Variants in MRM3 observed in about 807,000 individuals in gnomAD.
MRM3 encodes rRNA methyltransferase 3, mitochondrial.
A neutral mutation model predicts 29.4 loss-of-function variants in MRM3; 26 were observed. The observed-to-expected ratio is 0.89, with a 90% CI of 0.65 to 1.23. The LOEUF (loss-of-function observed/expected upper bound fraction) is 1.23. Ranked by LOEUF, MRM3 falls within the 50% of genes most tolerant of loss-of-function variation. The pLI is 0.00. For missense variants in MRM3, 578 were observed against 540.2 expected, an observed-to-expected ratio of 1.07 and a Z score of -0.69; for synonymous variants, 225 against 219.0, an observed-to-expected ratio of 1.03 and a Z score of -0.24.
chr17:783,959 C>T (rs2144515907), intron 2 of MRM3, among the ~76,000 whole-genome samples: 1 of 152,204 alleles, frequency 6.6e-6, no homozygotes, highest in African/African-American at 2.4e-5. Context: ...AAACCTCTGC[C>T]AATGTGGTGA....
chr17:790,871 A>C, intron 3 of MRM3, among the ~76,000 whole-genome samples: 1 of 5,792 alleles, frequency 1.7e-4, no homozygotes, highest in Middle Eastern at 0.071. Context: ...CTGTGCCACC[A>C]CACCCCCACC....
chr17:785,728 A>C lies in MRM3; in HGVS notation c.560-2237A>C, dbSNP rs540784794. Among the ~76,000 whole-genome samples, 4 of 152,364 alleles carry C rather than the reference A, an allele frequency of 2.6e-5. No individual in the cohort carries two copies. In the East Asian group the frequency reaches 7.7e-4, roughly 29 times the overall value. On this transcript the variant is annotated intron_variant, in intron 2 of 3. Coordinates refer to ENST00000304478, the MANE Select transcript of MRM3 (RefSeq NM_018146.4). ...ATTTGAAAAAGGGGTTGTTACTTTG[A>C]TGCATTCAAGTTTTGAAATTCATAT...
At chr17:784,445 G>A (rs1022336956) in intron 2 of MRM3, among the ~76,000 whole-genome samples, 2 of 151,792 alleles carry the variant, frequency 1.3e-5, no homozygotes, top group African/African-American at 2.4e-5. Flanking sequence ...CATTTTTACC[G>A]TGCTTGTCAC....
chr17:788,414 G>C (rs1303903207), intron 3 of MRM3, among the ~76,000 whole-genome samples: 1 of 150,292 alleles, frequency 6.7e-6, no homozygotes, highest in African/African-American at 2.5e-5. Context: ...CAGCCTGGGC[G>C]ACAGAGTGAG....
chr17:792,237 C>T lies in MRM3; in HGVS notation c.*168C>T, dbSNP rs951115373. On this transcript the variant is annotated 3_prime_UTR_variant, in exon 4 of 4. Transcript: ENST00000304478. ...AGAACTTCCTCAGAAAGAACAGGTC[C>T]GAATTCTTCCTGTCGCGTCACTGAT... 15 of 635,352 alleles carry T rather than the reference C, an allele frequency of 2.4e-5. No homozygotes were observed. The highest frequency in any genetic ancestry group is 4.5e-4 in the Middle Eastern group (1 of 2,232). 39.4% of individuals were successfully genotyped at this position (635,352 alleles called of 1,614,324 possible).
At position 782,383 on chromosome 17, in the gene MRM3, C is replaced by T. The variant is rs1365701406; in HGVS notation, c.5C>T (p.Ala2Val). M[A>V]ALVRPARFVV... Reference sequence around the variant, plus strand: ...GCAGCCCGGGTCTCAGGGAACATGGCGGCGCTGGTGAGACCCGCGAGGTTT... The same window carrying T: ...GCAGCCCGGGTCTCAGGGAACATGGTGGCGCTGGTGAGACCCGCGAGGTTT... Residue 2 changes from alanine to valine, a missense_variant, in exon 1 of 4, where the codon GCG becomes GTG. Physicochemically the swap from Ala to Val is moderately conservative, Grantham distance 64 (BLOSUM62 0). Transcript: ENST00000304478. The T allele has an allele frequency of 1.5e-5, 24 of 1,613,442 alleles. No homozygotes were observed. The highest frequency in any genetic ancestry group is 1.8e-5 in the Non-Finnish European group (21 of 1,179,834).
chr17:791,944 A>AT lies in MRM3; in HGVS notation c.1139dup (p.Val382ArgfsTer45), dbSNP rs757238105. The AT allele has an allele frequency of 3.8e-5, 62 of 1,613,902 alleles. No homozygotes were observed. Among genetic ancestry groups the AT allele is most frequent in the Non-Finnish European group, 4.7e-5 (56 of 1,180,032 alleles). Reference sequence around the variant, plus strand: ...GAGCACTGGTGGCAAGAGGCTGCTGATCCCCGTTGTGCCTGGTGTGGACAG... The same window carrying AT: ...GAGCACTGGTGGCAAGAGGCTGCTGATTCCCCGTTGTGCCTGGTGTGGACAG... On this transcript the variant is annotated frameshift_variant, in exon 4 of 4. Transcript: ENST00000304478. LOFTEE classifies it high-confidence loss of function.
chr17:792,221 T>G lies in MRM3; in HGVS notation c.*152T>G, dbSNP rs1170272833. The G allele has an allele frequency of 1.3e-6, 1 of 742,482 alleles. No homozygotes were observed. Among genetic ancestry groups the G allele is most frequent in the Admixed American group, 3.5e-5 (1 of 28,900 alleles). The allele number at this position is 742,482 out of a possible 1,614,324, so 46.0% of individuals were successfully genotyped here. A position where few individuals can be genotyped will look rare whatever the true frequency, so the allele number is the denominator to read the frequency against. ...AGTTACAGGAAAAATAAGAACTTCCTCAGAAAGAACAGGTCCGAATTCTTC... is the reference window on the plus strand; with the variant it reads ...AGTTACAGGAAAAATAAGAACTTCCGCAGAAAGAACAGGTCCGAATTCTTC... On this transcript the variant is annotated 3_prime_UTR_variant, in exon 4 of 4. Transcript: ENST00000304478.
Position 788,253 on chromosome 17 carries a change from C to A in MRM3, c.727+121C>A, listed in dbSNP as rs193250135. ...GACCATCCTGGGCAACATAGTGAGA[C>A]CTCATCTCTACAAAAAAAACTACAA... On this transcript the variant is annotated intron_variant, in intron 3 of 3. Transcript: ENST00000304478. The A allele has an allele frequency of 8.8e-5, 81 of 919,432 alleles. 1 individual carries two copies. The East Asian group carries it at 1.6e-3, about 19-fold the overall frequency. The allele number at this position is 919,432 out of a possible 1,614,324, so 57.0% of individuals were successfully genotyped here. A position where few individuals can be genotyped will look rare whatever the true frequency, so the allele number is the denominator to read the frequency against.
At chr17:782,773 G>A (rs1910210675) in intron 1 of MRM3, 81 bp downstream of exon 1, 4 of 1,421,462 alleles carry the variant, frequency 2.8e-6, no homozygotes, top group African/African-American at 2.9e-5. Flanking sequence ...TTCCGATGGA[G>A]GACTTCTTCC....
At chr17:791,449 G>A (rs1179137086) in intron 3 of MRM3, 85 bp from the exon 4 acceptor site, 6 of 1,405,928 alleles carry the variant, frequency 4.3e-6, no homozygotes, top group South Asian at 1.4e-5. Flanking sequence ...TTTATCTCCT[G>A]ATCCAAAATT....
chr17:786,982 A>C (rs546880979), intron 2 of MRM3, among the ~76,000 whole-genome samples: 262 of 152,102 alleles, frequency 1.7e-3, no homozygotes, highest in African/African-American at 5.9e-3. Flanking sequence ...GTGGCTCACA[A>C]CTGTAATCCC....
Position 792,083 on chromosome 17 carries a change from AC to A in MRM3, c.*15del, listed in dbSNP as rs1910856367. The A allele has an allele frequency of 6.4e-7, 1 of 1,567,664 alleles. No homozygotes were observed. Among genetic ancestry groups the A allele is most frequent in the African/African-American group, 1.3e-5 (1 of 74,114 alleles). On this transcript the variant is annotated 3_prime_UTR_variant, in exon 4 of 4. Transcript: ENST00000304478. ...AGTTACCACTGAGGACGCAGAAGTG[AC>A]TTCTGCTTGAGGACGTCTGCAGCTC...
At chr17:783,392 A>G (rs1416350032) in intron 2 of MRM3, 65 bp downstream of exon 2, 6 of 1,485,310 alleles carry the variant, frequency 4.0e-6, no homozygotes, top group Non-Finnish European at 4.5e-6. Context: ...GCTGGAGTGC[A>G]ATGGCGCGAT....
chr17:791,146 C>G (rs1478954781), intron 3 of MRM3, among the ~76,000 whole-genome samples: 1 of 152,160 alleles, frequency 6.6e-6, no homozygotes, highest in African/African-American at 2.4e-5. Flanking sequence ...CATCGCCCTG[C>G]TTTGTCCGTG....
chr17:782,426 G>T lies in MRM3; in HGVS notation c.48G>T (p.Leu16=), dbSNP rs1454366651. ...CGAGGTTTGTCGTGCGACCGTTGCT[G>T]CAGGTGGTCCAGGCTTGGGACCTTG... ...RPARFVVRPL[L]QVVQAWDLDA... is the part of the protein sequence containing the mutation. The change falls in exon 1 of 4, where the codon CTG becomes CTT. Residue 16 remains leucine, a synonymous_variant. Coordinates refer to ENST00000304478, the MANE Select transcript of MRM3 (RefSeq NM_018146.4). The T allele has an allele frequency of 6.2e-7, 1 of 1,614,012 alleles. No homozygotes were observed. The highest frequency in any genetic ancestry group is 8.5e-7 in the Non-Finnish European group (1 of 1,180,000).
In MRM3 at chr17:792,192, A is replaced by G; in HGVS notation, c.*123A>G. On this transcript the variant is annotated 3_prime_UTR_variant, in exon 4 of 4. Transcript: ENST00000304478. ...TTCAGGAGGAAGGTGTGATGCCGTC[A>G]TACAGTTACAGGAAAAATAAGAACT... 1 of 914,952 alleles carries G rather than the reference A, an allele frequency of 1.1e-6. No homozygotes were observed. Among genetic ancestry groups the G allele is most frequent in the Non-Finnish European group, 1.6e-6 (1 of 611,846 alleles). The allele number at this position is 914,952 out of a possible 1,614,324, so 56.7% of individuals were successfully genotyped here.
chr17:786,196 G>C (rs1354868083), intron 2 of MRM3, among the ~76,000 whole-genome samples: 4 of 152,234 alleles, frequency 2.6e-5, no homozygotes, highest in African/African-American at 4.8e-5. Context: ...CACCTCCTGG[G>C]TTCAAGCAAT....
chr17:783,291 G>A lies in MRM3; in HGVS notation c.523G>A (p.Asp175Asn), dbSNP rs1248301452. ...LIKVKFEDIK[D>N]WSDLVTPQGI... Reference sequence around the variant, plus strand: ...TAAGGTGAAATTTGAGGATATCAAGGATTGGTCCGACCTCGTAACGCCACA... The same window carrying A: ...TAAGGTGAAATTTGAGGATATCAAGAATTGGTCCGACCTCGTAACGCCACA... Residue 175 changes from aspartate (D) to asparagine (N), a missense_variant, in exon 2 of 4, where the codon GAT (aspartate) becomes AAT (asparagine). By Grantham distance (23) the Asp-to-Asn change is conservative. Transcript: ENST00000304478. The A allele has an allele frequency of 1.4e-5, 22 of 1,613,660 alleles. No homozygotes were observed. The highest frequency in any genetic ancestry group is 2.7e-5 in the African/African-American group (2 of 74,834).
Sources: allele counts gnomAD v4.1 joint callset (sites outside exome capture counted in the v4.1 genomes callset), GRCh38; gene constraint gnomAD v4.1.1; transcripts MANE v1.5; gene names NCBI Gene and HGNC (gene_info 2026-07-23, HGNC 2026-07-21).